The following YAP1 variants were observed in gnomAD, a reference collection of about 807,000 sequenced individuals.
The protein encoded by YAP1 is Yes1 associated transcriptional regulator.
Under a neutral mutation model 56.9 loss-of-function variants are expected in YAP1, and 5 were observed. The observed-to-expected ratio is 0.09, with a 90% CI of 0.05 to 0.18. The LOEUF is 0.18. Ranked by LOEUF, YAP1 falls within the 10% of genes least tolerant of loss-of-function variation. The pLI is 1.00. For missense variants in YAP1, 539 were observed against 651.8 expected (o/e 0.83, Z 1.88); for synonymous variants, 265 against 248.1 (o/e 1.07, Z -0.64).
intron 6 of YAP1, among the ~76,000 whole-genome samples, chr11:102,217,772 C>G (rs1161899880): frequency 1.3e-5 from 2 of 152,060 alleles, no homozygotes; most frequent in African/African-American, 4.8e-5. Flanking sequence ...CTACCAGAAC[C>G]TCTGCCTCCC....
In YAP1 at chr11:102,152,280, A is replaced by G. The variant is rs141086434; in HGVS notation, c.573-10176A>G. ...GCTATCTGTAAGATGCTGATGAAAC[A>G]GCTTTGTAGTGACTTGTTTCTCAAC... is the stretch of plus-strand genomic sequence containing the variant. On this transcript the variant is annotated intron_variant, in intron 2 of 8. Coordinates refer to ENST00000282441, the MANE Select transcript of YAP1 (RefSeq NM_001130145.3). Among the ~76,000 whole-genome samples the G allele has an allele frequency of 1.1e-4, 16 of 152,344 alleles. 1 individual carries two copies. In the East Asian group the frequency reaches 2.9e-3, roughly 28 times the overall value.
At position 102,110,962 on chromosome 11, in the gene YAP1, CGCGGCGACCCAG is replaced by C. The variant is rs760308455; in HGVS notation, c.121_132del (p.Thr41_Ala44del). 7 of 1,513,792 alleles carry C rather than the reference CGCGGCGACCCAG, an allele frequency of 4.6e-6. No individual in the cohort carries two copies. The South Asian group carries it at 8.6e-5, about 19-fold the overall frequency. The allele number at this position is 1,513,792 out of a possible 1,614,324, so 93.8% of individuals were successfully genotyped here. On this transcript the variant is annotated inframe_deletion, in exon 1 of 9. Transcript: ENST00000282441. ...CGTCCGGACCCGGGCAACCGGCACC[CGCGGCGACCCAG>C]GCGGCGCCGCAGGCACCCCCCGCCG...
chr11:102,178,144 A>G (rs1947372013), intron 3 of YAP1, among the ~76,000 whole-genome samples: 1 of 152,198 alleles, frequency 6.6e-6, no homozygotes, highest in African/African-American at 2.4e-5. Flanking sequence ...GAACTTAGGA[A>G]AAGTGCCGTG....
chr11:102,210,660 G>C (rs1422635654), intron 6 of YAP1, among the ~76,000 whole-genome samples: 2 of 152,190 alleles, frequency 1.3e-5, no homozygotes, highest in Non-Finnish European at 2.9e-5. Flanking sequence ...TGACTGTGAA[G>C]TGCAGGATAG....
chr11:102,161,673 T>C (rs916040670), intron 2 of YAP1, among the ~76,000 whole-genome samples: 10 of 152,308 alleles, frequency 6.6e-5, no homozygotes, highest in African/African-American at 2.4e-4. Flanking sequence ...GTATAATATA[T>C]CTAGTTTTTC....
intron 3 of YAP1, among the ~76,000 whole-genome samples, chr11:102,173,425 A>G (rs549260803): frequency 1.3e-5 from 2 of 152,266 alleles, no homozygotes; most frequent in South Asian, 4.1e-4. Context: ...TTTGAAATCC[A>G]AATATCTCAT....
At chr11:102,229,594 C>A in intron 8 of YAP1, 108 bp from the exon 9 acceptor site, 1 of 944,920 alleles carries the variant, frequency 1.1e-6, no homozygotes, top group Non-Finnish European at 1.6e-6. Flanking sequence ...CAGTTTAGGT[C>A]AGTCAGGAGC....
intron 2 of YAP1, among the ~76,000 whole-genome samples, chr11:102,156,882 A>G (rs1043583392): frequency 1.7e-4 from 26 of 152,194 alleles, no homozygotes; most frequent in Non-Finnish European, 3.5e-4. Context: ...GAGATGTATT[A>G]TATATAAACA....
Position 102,158,992 on chromosome 11 carries a change from C to A in YAP1, c.573-3464C>A, listed in dbSNP as rs150895544. ...CTTTGGTTTATATTGACAGAACCGA[C>A]TATCTTATGGCTTAAGTAAAAATTG... is the stretch of plus-strand genomic sequence containing the variant. On this transcript the variant is annotated intron_variant, in intron 2 of 8. Coordinates refer to ENST00000282441, the MANE Select transcript of YAP1 (RefSeq NM_001130145.3). Among the ~76,000 whole-genome samples, 803 of 152,322 alleles carry A rather than the reference C, an allele frequency of 5.3e-3. 6 individuals are homozygous for A. The highest frequency in any genetic ancestry group is 0.018 in the African/African-American group (766 of 41,572).
rs1949055698 is a variant in YAP1, at chr11:102,205,145, T to TC, written c.803-747dup. 2.4e-5 allele frequency among the ~76,000 whole-genome samples: 3 copies of TC among 122,980 alleles called. No homozygotes were observed. In the South Asian group the frequency reaches 9.7e-4, roughly 40 times the overall value. The allele number at this position is 122,980 out of a possible 152,430, so 80.7% of individuals were successfully genotyped here. The stretch of plus-strand genomic sequence containing the variant: ...AACCACCAAATGGTGTATTACAGCT[T>TC]CAAAAAAAAATTTTTTTTTTTTTAC... On this transcript the variant is annotated intron_variant, in intron 4 of 8. Transcript: ENST00000282441.
chr11:102,150,476 A>G (rs1472946971), intron 2 of YAP1, among the ~76,000 whole-genome samples: 1 of 152,172 alleles, frequency 6.6e-6, no homozygotes, highest in Admixed American at 6.5e-5. Context: ...TATAAAATAT[A>G]TTATCAAATA....
At chr11:102,147,201 A>C (rs1008656325) in intron 2 of YAP1, among the ~76,000 whole-genome samples, 1 of 152,164 alleles carries the variant, frequency 6.6e-6, no homozygotes, top group Admixed American at 6.5e-5. Flanking sequence ...AATGTATTTG[A>C]ATGTTTATTT....
intron 6 of YAP1, among the ~76,000 whole-genome samples, chr11:102,220,901 A>G (rs11225169): frequency 0.44 from 66,544 of 152,010 alleles, 14,799 homozygotes; most frequent in East Asian, 0.59. Context: ...GGTTTTATGC[A>G]TGGAGGTCAT....
intron 2 of YAP1, among the ~76,000 whole-genome samples, chr11:102,128,843 G>T (rs1428181600): frequency 2.0e-5 from 3 of 152,136 alleles, no homozygotes; most frequent in Non-Finnish European, 4.4e-5. Context: ...TCTTCATCTA[G>T]TTAATATGAA....
chr11:102,217,213 A>G (rs898926100), intron 6 of YAP1, among the ~76,000 whole-genome samples: 2 of 152,212 alleles, frequency 1.3e-5, no homozygotes, highest in African/African-American at 2.4e-5. Context: ...GTCAAAAAAG[A>G]TGCTAAGATT....
chr11:102,192,420 C>T (rs997052490), intron 4 of YAP1, among the ~76,000 whole-genome samples: 7 of 152,194 alleles, frequency 4.6e-5, no homozygotes, highest in Non-Finnish European at 1.0e-4. Context: ...TTTCAATCTC[C>T]TCCAAAAATC....
intron 2 of YAP1, among the ~76,000 whole-genome samples, chr11:102,122,577 C>T (rs1005821544): frequency 6.6e-6 from 1 of 151,562 alleles, no homozygotes; most frequent in Non-Finnish European, 1.5e-5. Context: ...TTAGAAAATC[C>T]CTTAATACTG....
At chr11:102,168,609 T>A (rs1210999638) in intron 3 of YAP1, among the ~76,000 whole-genome samples, 2 of 152,194 alleles carry the variant, frequency 1.3e-5, no homozygotes, top group Non-Finnish European at 2.9e-5. Context: ...TACCTCAAGA[T>A]GGGTGGAGAA....
chr11:102,126,549 G>A (rs185891534), intron 2 of YAP1, among the ~76,000 whole-genome samples: 224 of 152,210 alleles, frequency 1.5e-3, no homozygotes, highest in African/African-American at 5.1e-3. Flanking sequence ...CTCACCTCCC[G>A]CCATGATTCT....
Sources: allele counts gnomAD v4.1 joint callset (sites outside exome capture counted in the v4.1 genomes callset), GRCh38; gene constraint gnomAD v4.1.1; transcripts MANE v1.5; gene names NCBI Gene and HGNC (gene_info 2026-07-23, HGNC 2026-07-21).